UHRF2: variants seen among roughly 807,000 people sequenced by gnomAD.
UHRF2 encodes E3 ubiquitin-protein ligase UHRF2.
Under a neutral mutation model 96.8 loss-of-function variants are expected in UHRF2, and 23 were observed. The ratio of observed to expected loss-of-function variants is 0.24; its 90% CI spans 0.17 to 0.34. UHRF2 has a LOEUF of 0.34. Among genes scored for constraint, UHRF2 ranks in the 10% least tolerant of loss-of-function variants. UHRF2 has a pLI of 1.00. For missense variants in UHRF2, 685 were observed against 981.5 expected, an observed-to-expected ratio of 0.70 and a Z score of 4.04; for synonymous variants, 385 against 332.6, an observed-to-expected ratio of 1.16 and a Z score of -1.72.
At chr9:6,427,774 A>G (rs961162040) in intron 2 of UHRF2, among the ~76,000 whole-genome samples, 1 of 152,216 alleles carries the variant, frequency 6.6e-6, no homozygotes, top group Admixed American at 6.5e-5. Context: ...AACCAGTTTC[A>G]GATATTTTCA....
intron 4 of UHRF2, among the ~76,000 whole-genome samples, chr9:6,470,061 G>T (rs1038872517): frequency 6.6e-6 from 1 of 152,130 alleles, no homozygotes; most frequent in African/African-American, 2.4e-5. Context: ...GGAATGGCAT[G>T]TGAAAATACT....
At chr9:6,483,119 A>G (rs1220715888) in intron 8 of UHRF2, among the ~76,000 whole-genome samples, 2 of 152,048 alleles carry the variant, frequency 1.3e-5, no homozygotes. Flanking sequence ...TGAGGCCAGG[A>G]ATTCAAAACC....
At position 6,481,730 on chromosome 9, in the gene UHRF2, G is replaced by A. The variant is rs201669529; in HGVS notation, c.1248G>A (p.Pro416=). Residue 416 remains proline (P), a synonymous_variant, in exon 7 of 16, where the codon CCG becomes CCA. Coordinates refer to ENST00000276893, the MANE Select transcript of UHRF2 (RefSeq NM_152896.3). ...LKMSKKKAKM[P]SASTESRRDW... ...TGAGTAAAAAGAAAGCAAAGATGCC[G>A]TCAGCTAGTACTGAAAGCCGAAGAG... 2.2e-5 allele frequency: 35 copies of A among 1,613,796 alleles called. No homozygotes were observed. The highest frequency in any genetic ancestry group is 2.5e-5 in the Non-Finnish European group (30 of 1,179,876).
intron 2 of UHRF2, chr9:6,422,736 A>C: frequency 2.0e-6 from 1 of 508,412 alleles, no homozygotes; most frequent in Non-Finnish European, 3.6e-6. Context: ...GGCCTCCCAA[A>C]GTGCTGGGAT....
chr9:6,468,635 A>G (rs1030302426), intron 4 of UHRF2: 11 of 456,090 alleles, frequency 2.4e-5, no homozygotes, highest in South Asian at 1.1e-4. Flanking sequence ...TGCCTCAAGC[A>G]TATGGCCTGC....
intron 12 of UHRF2, chr9:6,498,773 C>CA (rs1825111877): frequency 6.6e-6 from 1 of 152,308 alleles, no homozygotes; most frequent in African/African-American, 2.4e-5. Flanking sequence ...TTGTCCCTGA[C>CA]ACTGACTTCA....
intron 2 of UHRF2, chr9:6,422,893 T>C (rs1820015004): frequency 5.3e-6 from 2 of 377,402 alleles, no homozygotes; most frequent in Middle Eastern, 6.8e-4. Flanking sequence ...AATAGTAATC[T>C]GTTTGCTGAT....
chr9:6,480,435 A>C (rs947694686), intron 6 of UHRF2, among the ~76,000 whole-genome samples: 2 of 152,252 alleles, frequency 1.3e-5, no homozygotes, highest in Admixed American at 6.5e-5. Context: ...TGAAGGAGTG[A>C]ATCAATCCCA....
intron 4 of UHRF2, among the ~76,000 whole-genome samples, chr9:6,472,370 A>G (rs536150633): frequency 2.6e-4 from 39 of 152,370 alleles, no homozygotes; most frequent in African/African-American, 8.9e-4. Flanking sequence ...AAGGAACAGT[A>G]TAACATGCTT....
At chr9:6,497,440 G>A in intron 11 of UHRF2, 80 bp downstream of exon 11, 1 of 1,499,252 alleles carries the variant, frequency 6.7e-7, no homozygotes, top group Non-Finnish European at 9.1e-7. Flanking sequence ...ACTACTGTGG[G>A]TGGGCTCGAG....
At chr9:6,496,135 A>G (rs1193888762) in intron 10 of UHRF2, 2 of 152,154 alleles carry the variant, frequency 1.3e-5, no homozygotes, top group Admixed American at 6.6e-5. Flanking sequence ...TCAATAGGTT[A>G]GTCATTTTCT....
intron 3 of UHRF2, among the ~76,000 whole-genome samples, chr9:6,446,337 T>G (rs1312595893): frequency 6.6e-6 from 1 of 151,498 alleles, no homozygotes; most frequent in Non-Finnish European, 1.5e-5. Context: ...GAGACAGGGT[T>G]TTAGCATGTT....
chr9:6,484,437 TCCCTCCTCCCTCCTCCC>T, intron 8 of UHRF2, among the ~76,000 whole-genome samples: 1 of 140,554 alleles, frequency 7.1e-6, no homozygotes, highest in Non-Finnish European at 1.6e-5. Context: ...TCCTGTCTCT[TCCCTCCTCCCTCCTCCC>T]CCCTCCTCCT....
intron 15 of UHRF2, 152 bp downstream of exon 15, chr9:6,504,843 A>C (rs1816499730): frequency 1.8e-6 from 1 of 550,652 alleles, no homozygotes; most frequent in Non-Finnish European, 3.2e-6. Context: ...CTTGGTGGTA[A>C]ATGCATGTTT....
At chr9:6,467,603 T>TTTTG (rs1563780551) in intron 4 of UHRF2, among the ~76,000 whole-genome samples, 2 of 150,630 alleles carry the variant, frequency 1.3e-5, no homozygotes, top group African/African-American at 4.9e-5. Flanking sequence ...TAGTTTTTTT[T>TTTTG]TTTTTTTTTT....
intron 1 of UHRF2, chr9:6,414,226 C>T (rs1197727329): frequency 6.6e-6 from 1 of 152,232 alleles, no homozygotes; most frequent in African/African-American, 2.4e-5. Flanking sequence ...GTCCCTCTCC[C>T]TCGCCGCCTT....
At chr9:6,492,649 C>G (rs527649153) in intron 9 of UHRF2, 1 of 152,934 alleles carries the variant, frequency 6.5e-6, no homozygotes, top group East Asian at 1.9e-4. Flanking sequence ...ACATCATTGT[C>G]TAAGTTGTCT....
intron 4 of UHRF2, among the ~76,000 whole-genome samples, chr9:6,469,717 T>TATATATACAC (rs1563782966): frequency 6.7e-6 from 1 of 149,576 alleles, no homozygotes; most frequent in African/African-American, 2.4e-5. Context: ...TATACACACA[T>TATATATACAC]ATATGTGCAT....
chr9:6,417,851 C>T lies in UHRF2; in HGVS notation c.154-3061C>T, dbSNP rs370408971. Among the ~76,000 whole-genome samples the T allele has an allele frequency of 3.9e-5, 6 of 152,066 alleles. No homozygotes were observed. The South Asian group carries it at 6.2e-4, about 16-fold the overall frequency. ...GAAACAGTTTGTATTTACTCCTGAC[C>T]GTCATTTAGTAGAAACTAACCAGGA... is the stretch of plus-strand genomic sequence containing the variant. On this transcript the variant is annotated intron_variant, in intron 1 of 15. Transcript: ENST00000276893.
Sources: gnomAD v4.1 joint callset for allele counts (sites outside exome capture counted in the v4.1 genomes callset) on GRCh38, gnomAD v4.1.1 for gene constraint, MANE v1.5 for transcripts, NCBI Gene and HGNC (gene_info 2026-07-23, HGNC 2026-07-21) for gene names.